The following RNGTT variants were observed in gnomAD, a reference collection of about 807,000 sequenced individuals.
RNGTT encodes the protein mRNA-capping enzyme.
A neutral mutation model predicts 79.3 loss-of-function variants in RNGTT; 33 were observed. The observed-to-expected ratio is 0.42, with a 90% CI of 0.32 to 0.56. The LOEUF (loss-of-function observed/expected upper bound fraction) is 0.56. Among genes scored for constraint, RNGTT ranks in the 20% least tolerant of loss-of-function variants. RNGTT has a pLI of 0.17. For missense variants in RNGTT, 497 were observed against 739.1 expected, an observed-to-expected ratio of 0.67 and a Z score of 3.80; for synonymous variants, 222 against 235.9, an observed-to-expected ratio of 0.94 and a Z score of 0.54.
At chr6:88,762,400 G>T (rs961445980) in intron 13 of RNGTT, among the ~76,000 whole-genome samples, 1 of 152,150 alleles carries the variant, frequency 6.6e-6, no homozygotes, top group African/African-American at 2.4e-5. Context: ...CACCATCAGA[G>T]ATTTAGAATG....
At chr6:88,667,989 T>C (rs998476425) in intron 14 of RNGTT, among the ~76,000 whole-genome samples, 2 of 152,114 alleles carry the variant, frequency 1.3e-5, no homozygotes, top group Non-Finnish European at 2.9e-5. Context: ...CCTCCCATAT[T>C]ACGAGGACTT....
At chr6:88,962,544 G>A (rs1410952086) in intron 1 of RNGTT, among the ~76,000 whole-genome samples, 1 of 151,904 alleles carries the variant, frequency 6.6e-6, no homozygotes, top group East Asian at 1.9e-4. Flanking sequence ...AGGCCGAGGC[G>A]GGCGGATCAC....
At chr6:88,829,967 T>G (rs1780800717) in intron 11 of RNGTT, among the ~76,000 whole-genome samples, 1 of 152,086 alleles carries the variant, frequency 6.6e-6, no homozygotes, top group Admixed American at 6.6e-5. Flanking sequence ...CCACTGTCAA[T>G]ATTAGACAGA....
intron 14 of RNGTT, among the ~76,000 whole-genome samples, chr6:88,671,069 C>A (rs1361500106): frequency 6.6e-6 from 1 of 152,166 alleles, no homozygotes; most frequent in Non-Finnish European, 1.5e-5. Flanking sequence ...ACTTTCACCA[C>A]TTCTATTCAT....
At chr6:88,776,664 G>GA (rs34767667) in intron 12 of RNGTT, among the ~76,000 whole-genome samples, 140 of 138,890 alleles carry the variant, frequency 1.0e-3, no homozygotes, top group East Asian at 7.7e-3. Context: ...GGCTTCTTTG[G>GA]AAAAAAAAAA....
At chr6:88,802,257 T>A (rs1779814790) in intron 11 of RNGTT, among the ~76,000 whole-genome samples, 1 of 152,296 alleles carries the variant, frequency 6.6e-6, no homozygotes, top group Non-Finnish European at 1.5e-5. Context: ...AGAATGTTTT[T>A]AATCTTACTT....
At chr6:88,753,353 A>C (rs1777901313) in intron 13 of RNGTT, among the ~76,000 whole-genome samples, 1 of 152,068 alleles carries the variant, frequency 6.6e-6, no homozygotes, top group Admixed American at 6.6e-5. Flanking sequence ...AAATTTAAAA[A>C]TTAGCCATGT....
rs201019392 is a variant in RNGTT, at chr6:88,888,230, G to A, written c.896+2265C>T. ...CAATCCCAAATCCCCAGTTCATTTC[G>A]TAGTGTAAAGCCTAGAGATAGACAC... On this transcript the variant is annotated intron_variant, in intron 8 of 15. Coordinates refer to ENST00000369485, the MANE Select transcript of RNGTT (RefSeq NM_003800.5). 5.9e-5 allele frequency among the ~76,000 whole-genome samples: 9 copies of A among 151,860 alleles called. No homozygotes were observed. In the East Asian group the frequency reaches 7.7e-4, roughly 13 times the overall value.
intron 13 of RNGTT, among the ~76,000 whole-genome samples, chr6:88,764,041 C>T (rs1186696830): frequency 6.6e-6 from 1 of 152,156 alleles, no homozygotes; most frequent in Non-Finnish European, 1.5e-5. Context: ...ATCCTTCCTC[C>T]AAGATCTTGT....
chr6:88,916,947 C>T lies in RNGTT; in HGVS notation c.368-10507G>A, dbSNP rs149102510. 9.2e-5 allele frequency among the ~76,000 whole-genome samples: 14 copies of T among 152,314 alleles called. No individual in the cohort carries two copies. The East Asian group carries it at 2.7e-3, about 29-fold the overall frequency. ...TAAAAACAACCTTGATGTGATTGTA[C>T]TTACTTGTTCTACTTAACCCTTCTG... is the stretch of plus-strand genomic sequence containing the variant. On this transcript the variant is annotated intron_variant, in intron 4 of 15. Coordinates refer to ENST00000369485, the MANE Select transcript of RNGTT (RefSeq NM_003800.5).
At position 88,609,898 on chromosome 6, in the gene RNGTT, C is replaced by G. The variant is rs1170374753; in HGVS notation, c.*2821G>C. On this transcript the variant is annotated 3_prime_UTR_variant, in exon 16 of 16. Transcript: ENST00000369485. ...AAAATTTGGTAGTTCACGACTTCAT[C>G]ATTTCAGAATATTTATTGCTATTGC... Among the ~76,000 whole-genome samples the G allele has an allele frequency of 6.6e-6, 1 of 152,186 alleles. No individual in the cohort carries two copies. Among genetic ancestry groups the G allele is most frequent in the Non-Finnish European group, 1.5e-5 (1 of 68,032 alleles).
intron 11 of RNGTT, among the ~76,000 whole-genome samples, chr6:88,802,469 A>G (rs1180050333): frequency 6.6e-6 from 1 of 152,216 alleles, no homozygotes; most frequent in East Asian, 1.9e-4. Context: ...AGAACTCAAC[A>G]TGTATATCAC....
At chr6:88,682,135 A>G (rs1341688328) in intron 13 of RNGTT, among the ~76,000 whole-genome samples, 1 of 152,228 alleles carries the variant, frequency 6.6e-6, no homozygotes, top group Non-Finnish European at 1.5e-5. Context: ...TACATCAAAC[A>G]CAGAAAAACT....
chr6:88,850,554 G>A (rs1286612103), intron 9 of RNGTT, among the ~76,000 whole-genome samples: 1 of 151,692 alleles, frequency 6.6e-6, no homozygotes, highest in Non-Finnish European at 1.5e-5. Flanking sequence ...AGGTTTTCTT[G>A]CTATCTAATT....
rs190526197 is a variant in RNGTT, at chr6:88,731,178, A to C, written c.1439+38596T>G. ...CAAAGGAAAGAATAAAAGCCCCCCCAAAAAAACATAAAAACAAGGACAAAA... is the reference window on the plus strand; with the variant it reads ...CAAAGGAAAGAATAAAAGCCCCCCCCAAAAAACATAAAAACAAGGACAAAA... On this transcript the variant is annotated intron_variant, in intron 13 of 15. Transcript: ENST00000369485. Among the ~76,000 whole-genome samples, 614 of 152,202 alleles carry C rather than the reference A, an allele frequency of 4.0e-3. 11 individuals are homozygous for C. The highest frequency in any genetic ancestry group is 0.014 in the African/African-American group (593 of 41,538).
At chr6:88,918,766 T>C (rs1277130297) in intron 4 of RNGTT, among the ~76,000 whole-genome samples, 1 of 152,226 alleles carries the variant, frequency 6.6e-6, no homozygotes, top group Non-Finnish European at 1.5e-5. Context: ...TTTGTATTCA[T>C]GTATCTTAAC....
chr6:88,694,552 C>G (rs889720681), intron 13 of RNGTT, among the ~76,000 whole-genome samples: 1 of 151,828 alleles, frequency 6.6e-6, no homozygotes, highest in Non-Finnish European at 1.5e-5. Flanking sequence ...CAATCCCTAT[C>G]GAAATTACAA....
At chr6:88,893,018 G>A (rs979571142) in intron 6 of RNGTT, among the ~76,000 whole-genome samples, 8 of 151,820 alleles carry the variant, frequency 5.3e-5, no homozygotes, top group African/African-American at 1.9e-4. Context: ...ATAAGCCCAA[G>A]GATCAAAGAG....
chr6:88,945,778 G>A (rs142184199), intron 1 of RNGTT, among the ~76,000 whole-genome samples: 48 of 152,204 alleles, frequency 3.2e-4, no homozygotes, highest in Admixed American at 8.5e-4. Flanking sequence ...AATGGGATAC[G>A]GGCCAAAGTT....
Sources: allele counts gnomAD v4.1 joint callset (sites outside exome capture counted in the v4.1 genomes callset), GRCh38; gene constraint gnomAD v4.1.1; transcripts MANE v1.5; gene names NCBI Gene and HGNC (gene_info 2026-07-23, HGNC 2026-07-21).